Variants in HELZ observed in about 807,000 individuals in gnomAD.
The protein encoded by HELZ is ATP-dependent RNA helicase with zinc finger domain.
Under a neutral mutation model 218.2 loss-of-function variants are expected in HELZ, and 23 were observed. The observed-to-expected ratio is 0.11, with a 90% confidence interval of 0.08 to 0.15. HELZ has a LOEUF of 0.15. Among genes scored for constraint, HELZ ranks in the 10% least tolerant of loss-of-function variants. The pLI, the probability that HELZ is intolerant of heterozygous loss-of-function variation, is 1.00. For synonymous variants in HELZ, 814 were observed against 829.4 expected, an observed-to-expected ratio of 0.98 and a Z score of 0.32; for missense variants, 1,813 against 2,353.7, an observed-to-expected ratio of 0.77 and a Z score of 4.75.
At chr17:67,133,757 C>T (rs1017678084) in intron 23 of HELZ, among the ~76,000 whole-genome samples, 1 of 152,140 alleles carries the variant, frequency 6.6e-6, no homozygotes, top group Non-Finnish European at 1.5e-5. Flanking sequence ...TCAAGCAATC[C>T]GCCCACCAGG....
At chr17:67,167,856 A>G in intron 13 of HELZ, 60 bp from the exon 14 acceptor site, 1 of 1,136,058 alleles carries the variant, frequency 8.8e-7, no homozygotes, top group East Asian at 2.4e-5. Flanking sequence ...TAAAAACTAG[A>G]AGAGTGAAAC....
chr17:67,220,811 T>C (rs1825878422), intron 3 of HELZ, among the ~76,000 whole-genome samples: 1 of 141,620 alleles, frequency 7.1e-6, no homozygotes, highest in Non-Finnish European at 1.5e-5. Context: ...ACTTTTAATA[T>C]AAAAAAAGAA....
chr17:67,128,934 T>C (rs1403689643), intron 23 of HELZ, 79 bp from the exon 24 acceptor site: 1 of 1,112,354 alleles, frequency 9.0e-7, no homozygotes, highest in African/African-American at 1.6e-5. Context: ...CTAAAGATAA[T>C]CTCAAATTCC....
In HELZ at chr17:67,115,358, G is replaced by T. The variant is rs2037397470; in HGVS notation, c.3839-955C>A. ...TATATGGGTAATTAGAATCTCTGAA[G>T]AACAGTGGTAGGGGCAACACAGAAA... On this transcript the variant is annotated intron_variant, in intron 27 of 32. Coordinates refer to ENST00000358691, the MANE Select transcript of HELZ (RefSeq NM_014877.4). Among the ~76,000 whole-genome samples, 3 of 151,944 alleles carry T rather than the reference G, an allele frequency of 2.0e-5. No individual in the cohort carries two copies. In the East Asian group the frequency reaches 5.8e-4, roughly 29 times the overall value.
rs1415950981 is a variant in HELZ, at chr17:67,150,956, A to G, written c.2356+90T>C. 8.5e-6 allele frequency: 9 copies of G among 1,054,348 alleles called. No homozygotes were observed. The East Asian group carries it at 2.2e-4, about 25-fold the overall frequency. 65.3% of individuals were successfully genotyped at this position (1,054,348 alleles called of 1,614,324 possible). ...TTTACAAAAACAGTCAGTGAGCCAG[A>G]TTTGGCCCACACACTGTAGTTTGCC... is the stretch of plus-strand genomic sequence containing the variant. On this transcript the variant is annotated intron_variant, in intron 18 of 32. Transcript: ENST00000358691.
At chr17:67,195,059 C>T (rs2039988697) in intron 8 of HELZ, among the ~76,000 whole-genome samples, 1 of 152,152 alleles carries the variant, frequency 6.6e-6, no homozygotes, top group South Asian at 2.1e-4. Flanking sequence ...AACAACTCAG[C>T]TCACAGATCA....
chr17:67,091,192 G>C (rs763333), intron 31 of HELZ, among the ~76,000 whole-genome samples: 90,870 of 151,730 alleles, frequency 0.6, 28,486 homozygotes, highest in East Asian at 0.88. Context: ...GACAAGGTGT[G>C]AAAATGTATA....
chr17:67,177,916 G>A (rs1226027123), intron 13 of HELZ, among the ~76,000 whole-genome samples: 1 of 152,012 alleles, frequency 6.6e-6, no homozygotes, highest in African/African-American at 2.4e-5. Flanking sequence ...GCATCCTGGA[G>A]AAGAAAAATA....
At position 67,107,507 on chromosome 17, in the gene HELZ, TAA is replaced by T. The variant is rs2037142701; in HGVS notation, c.4901_4902del (p.Phe1634Ter). The T allele has an allele frequency of 6.2e-7, 1 of 1,614,042 alleles. No homozygotes were observed. Among genetic ancestry groups the T allele is most frequent in the Non-Finnish European group, 8.5e-7 (1 of 1,180,042 alleles). The part of the protein sequence containing the change: ...STDHSSHFSN[F>X]NDNSRDIEVA... The stretch of plus-strand genomic sequence containing the variant: ...ACTTCAATGTCTCTGCTGTTATCAT[TAA>T]AGTTAGAAAAGTGGCTACTGTGGTC... On this transcript the variant is annotated frameshift_variant, in exon 31 of 33. Coordinates refer to ENST00000358691, the MANE Select transcript of HELZ (RefSeq NM_014877.4). LOFTEE classifies it high-confidence loss of function.
At chr17:67,238,391 A>G (rs935796345) in intron 3 of HELZ, among the ~76,000 whole-genome samples, 19 of 151,676 alleles carry the variant, frequency 1.3e-4, no homozygotes, top group Non-Finnish European at 2.2e-4. Flanking sequence ...TAATTTAAAA[A>G]TAATTTTAGG....
chr17:67,224,084 A>G (rs1182625260), intron 3 of HELZ, among the ~76,000 whole-genome samples: 1 of 152,146 alleles, frequency 6.6e-6, no homozygotes. Context: ...TAACTCCACC[A>G]GGGATGTGGG....
intron 2 of HELZ, among the ~76,000 whole-genome samples, chr17:67,240,930 T>A (rs1446420948): frequency 6.6e-6 from 1 of 152,220 alleles, no homozygotes; most frequent in Non-Finnish European, 1.5e-5. Flanking sequence ...ATAAAATTCT[T>A]CCTGTTACAT....
At chr17:67,191,174 T>C (rs2039885921) in intron 9 of HELZ, among the ~76,000 whole-genome samples, 1 of 152,272 alleles carries the variant, frequency 6.6e-6, no homozygotes, top group South Asian at 2.1e-4. Context: ...TTAAGGCTTT[T>C]ACTTTTCACC....
At chr17:67,227,279 A>G (rs1383598611) in intron 3 of HELZ, among the ~76,000 whole-genome samples, 1 of 149,772 alleles carries the variant, frequency 6.7e-6, no homozygotes, top group East Asian at 2.0e-4. Context: ...TGCAACCTCC[A>G]CCTCCCAGGT....
At chr17:67,234,325 A>G (rs2041122675) in intron 3 of HELZ, among the ~76,000 whole-genome samples, 1 of 151,382 alleles carries the variant, frequency 6.6e-6, no homozygotes, top group Non-Finnish European at 1.5e-5. Context: ...AAAAAGAAAA[A>G]AAAAAACACA....
intron 3 of HELZ, among the ~76,000 whole-genome samples, chr17:67,230,264 T>C (rs1293609584): frequency 6.6e-6 from 1 of 152,104 alleles, no homozygotes; most frequent in Non-Finnish European, 1.5e-5. Flanking sequence ...AACATGCTTA[T>C]TAATTTAAAA....
At chr17:67,177,221 A>T (rs1205594932) in intron 13 of HELZ, among the ~76,000 whole-genome samples, 2 of 152,078 alleles carry the variant, frequency 1.3e-5, no homozygotes, top group Non-Finnish European at 2.9e-5. Flanking sequence ...CCAAAGTGCT[A>T]CAATTACAGG....
rs960759604 is a variant in HELZ, at chr17:67,245,039, C to T, written c.-132+109G>A. On this transcript the variant is annotated intron_variant, in intron 1 of 32. Transcript: ENST00000358691. ...AGGCCCCCAGCCTGCCCCGGGGCCG[C>T]CGCGCCCGGGGTCCGGGACACCGGA... is the stretch of plus-strand genomic sequence containing the variant. 4 of 984,772 alleles carry T rather than the reference C, an allele frequency of 4.1e-6. No individual in the cohort carries two copies. The Admixed American group carries it at 2.5e-4, about 61-fold the overall frequency. 61.0% of individuals were successfully genotyped at this position (984,772 alleles called of 1,614,324 possible).
chr17:67,183,319 CA>C (rs1427792700), intron 12 of HELZ, among the ~76,000 whole-genome samples: 2 of 152,152 alleles, frequency 1.3e-5, no homozygotes, highest in East Asian at 3.8e-4. Context: ...AAGAGGCTAA[CA>C]AAAAGTTAAA....
Sources: allele counts gnomAD v4.1 joint callset (sites outside exome capture counted in the v4.1 genomes callset), GRCh38; gene constraint gnomAD v4.1.1; transcripts MANE v1.5; gene names NCBI Gene and HGNC (gene_info 2026-07-23, HGNC 2026-07-21).